GABRB1: variants seen among roughly 807,000 people sequenced by gnomAD.
GABRB1 encodes gamma-aminobutyric acid receptor subunit beta-1.
A neutral mutation model predicts 51.6 loss-of-function variants in GABRB1; 17 were observed. The observed-to-expected ratio is 0.33, with a 90% CI of 0.23 to 0.49. GABRB1 has a LOEUF of 0.49. Among genes scored for constraint, GABRB1 ranks in the 20% least tolerant of loss-of-function variants. The pLI is 0.99. For synonymous variants in GABRB1, 247 were observed against 218.9 expected (o/e 1.13, Z -1.14); for missense variants, 410 against 600.6 (o/e 0.68, Z 3.32).
At chr4:47,220,561 G>A (rs748965190) in intron 4 of GABRB1, among the ~76,000 whole-genome samples, 25 of 151,852 alleles carry the variant, frequency 1.6e-4, no homozygotes, top group Non-Finnish European at 3.2e-4. Context: ...GGCTTTACCG[G>A]TAATGAAAAT....
intron 4 of GABRB1, among the ~76,000 whole-genome samples, chr4:47,167,407 G>A (rs1029237935): frequency 3.7e-5 from 5 of 136,630 alleles, no homozygotes; most frequent in Non-Finnish European, 8.5e-5. Flanking sequence ...TAACCTCCTT[G>A]AAAAAAAAAA....
intron 4 of GABRB1, among the ~76,000 whole-genome samples, chr4:47,192,537 G>A (rs1035281290): frequency 7.9e-5 from 12 of 152,138 alleles, no homozygotes; most frequent in Admixed American, 3.9e-4. Context: ...ATCATTAATT[G>A]TTTAAGATGT....
chr4:47,379,660 A>G (rs1314361982), intron 5 of GABRB1, among the ~76,000 whole-genome samples: 1 of 152,218 alleles, frequency 6.6e-6, no homozygotes, highest in Non-Finnish European at 1.5e-5. Flanking sequence ...GTTTAACCAT[A>G]TGAGGTTGTT....
At position 47,108,154 on chromosome 4, in the gene GABRB1, G is replaced by A. The variant is rs957621622; in HGVS notation, c.241-53095G>A. On this transcript the variant is annotated intron_variant, in intron 3 of 8. Transcript: ENST00000295454. ...ACTTTCCTTGCTACCACCCACAATC[G>A]GAATCCCTCAGATGAAATTTATAGA... Among the ~76,000 whole-genome samples, 5 of 151,834 alleles carry A rather than the reference G, an allele frequency of 3.3e-5. 1 individual carries two copies. Among genetic ancestry groups the A allele is most frequent in the Admixed American group, 2.6e-4 (4 of 15,222 alleles).
At position 47,311,194 on chromosome 4, in the gene GABRB1, G is replaced by A. The variant is rs113371850; in HGVS notation, c.462-8933G>A. Among the ~76,000 whole-genome samples, 225 of 151,540 alleles carry A rather than the reference G, an allele frequency of 1.5e-3. 2 individuals carry two copies. Among genetic ancestry groups the A allele is most frequent in the African/African-American group, 5.2e-3 (216 of 41,312 alleles). Reference sequence around the variant, plus strand: ...GGATCATTTGAGGTCAGGAGTTCGAGACCAGCCTGGCCAACATGGTAAAAA... The same window carrying A: ...GGATCATTTGAGGTCAGGAGTTCGAAACCAGCCTGGCCAACATGGTAAAAA... On this transcript the variant is annotated intron_variant, in intron 4 of 8. Coordinates refer to ENST00000295454, the MANE Select transcript of GABRB1 (RefSeq NM_000812.4).
intron 1 of GABRB1, among the ~76,000 whole-genome samples, chr4:47,015,285 A>G (rs1405375207): frequency 6.6e-6 from 1 of 152,244 alleles, no homozygotes; most frequent in African/African-American, 2.4e-5. Context: ...GTATAATAAT[A>G]TAGAATAACA....
intron 3 of GABRB1, among the ~76,000 whole-genome samples, chr4:47,051,722 G>A (rs1244406687): frequency 6.6e-6 from 1 of 152,160 alleles, no homozygotes; most frequent in Non-Finnish European, 1.5e-5. Context: ...AACATATTTG[G>A]ATATTCACAA....
chr4:47,182,942 C>T (rs146988074), intron 4 of GABRB1, among the ~76,000 whole-genome samples: 25 of 151,876 alleles, frequency 1.6e-4, no homozygotes, highest in Admixed American at 3.3e-4. Context: ...TCCCATATGC[C>T]AATTGTTTAT....
chr4:47,062,395 T>C (rs1225758309), intron 3 of GABRB1, among the ~76,000 whole-genome samples: 2 of 151,326 alleles, frequency 1.3e-5, no homozygotes, highest in Non-Finnish European at 2.9e-5. Flanking sequence ...TGTTATGCCT[T>C]TCTCTAGATA....
intron 1 of GABRB1, among the ~76,000 whole-genome samples, chr4:47,022,803 C>A (rs140992504): frequency 6.6e-6 from 1 of 152,136 alleles, no homozygotes; most frequent in Non-Finnish European, 1.5e-5. Context: ...ACCATATGAT[C>A]CAGCAATCCC....
At chr4:47,157,848 A>G (rs2095086548) in intron 3 of GABRB1, among the ~76,000 whole-genome samples, 1 of 152,068 alleles carries the variant, frequency 6.6e-6, no homozygotes, top group African/African-American at 2.4e-5. Context: ...TTAGGCTACT[A>G]ACTCCAGAAA....
At position 47,426,214 on chromosome 4, in the gene GABRB1, C is replaced by T; in HGVS notation, c.*196C>T. ...CAAAACAAAAAAAAAATTATTTTTC[C>T]AGTCTACCGTGGTCCAGGTTATCAG... On this transcript the variant is annotated 3_prime_UTR_variant, in exon 9 of 9. Transcript: ENST00000295454. The T allele has an allele frequency of 2.2e-6, 1 of 463,504 alleles. No homozygotes were observed. Among genetic ancestry groups the T allele is most frequent in the Non-Finnish European group, 3.8e-6 (1 of 265,974 alleles). 28.7% of individuals were successfully genotyped at this position (463,504 alleles called of 1,614,324 possible).
At chr4:47,326,089 G>A (rs1028440257) in intron 5 of GABRB1, among the ~76,000 whole-genome samples, 1 of 152,108 alleles carries the variant, frequency 6.6e-6, no homozygotes, top group Non-Finnish European at 1.5e-5. Context: ...AATCGCCTAC[G>A]ATCCTGCTCT....
chr4:47,176,836 A>G (rs1246931698), intron 4 of GABRB1, among the ~76,000 whole-genome samples: 2 of 152,182 alleles, frequency 1.3e-5, no homozygotes, highest in Non-Finnish European at 2.9e-5. Flanking sequence ...TACAAACTGG[A>G]ACAGATGGGT....
At chr4:47,195,476 TAGATA>T (rs1560580484) in intron 4 of GABRB1, among the ~76,000 whole-genome samples, 5,964 of 92,078 alleles carry the variant, frequency 0.065, 142 homozygotes, top group South Asian at 0.1. Context: ...GATAGATAGA[TAGATA>T]GATAGATAGA....
chr4:47,289,179 G>T (rs1031739942), intron 4 of GABRB1, among the ~76,000 whole-genome samples: 1 of 152,080 alleles, frequency 6.6e-6, no homozygotes, highest in African/African-American at 2.4e-5. Flanking sequence ...AGTCCACAGA[G>T]ACCCTTTCAA....
At chr4:47,070,710 C>G (rs1727298260) in intron 3 of GABRB1, among the ~76,000 whole-genome samples, 1 of 152,178 alleles carries the variant, frequency 6.6e-6, no homozygotes, top group Non-Finnish European at 1.5e-5. Context: ...TTGTCAGCCA[C>G]TCCTTCTCAG....
intron 5 of GABRB1, among the ~76,000 whole-genome samples, chr4:47,337,887 C>T (rs1472167314): frequency 6.6e-6 from 1 of 151,078 alleles, no homozygotes; most frequent in Non-Finnish European, 1.5e-5. Context: ...CCAGTACAGT[C>T]CTTACTGCAT....
At chr4:47,417,069 T>A (rs1231574750) in intron 8 of GABRB1, among the ~76,000 whole-genome samples, 2 of 152,138 alleles carry the variant, frequency 1.3e-5, no homozygotes, top group African/African-American at 4.8e-5. Flanking sequence ...GATAAATGTA[T>A]CTACCTGAGT....
Sources: gnomAD v4.1 joint callset for allele counts (sites outside exome capture counted in the v4.1 genomes callset) on GRCh38, gnomAD v4.1.1 for gene constraint, MANE v1.5 for transcripts, NCBI Gene and HGNC (gene_info 2026-07-23, HGNC 2026-07-21) for gene names.